The following ENTHD1 variants were observed in gnomAD, a reference collection of about 807,000 sequenced individuals.
The protein encoded by ENTHD1 is ENTH domain containing 1, also known as ENTH domain-containing protein 1.
A neutral mutation model predicts 39.1 loss-of-function variants in ENTHD1; 23 were observed. That is an observed-to-expected ratio of 0.59 (90% CI 0.42 to 0.83). The LOEUF (loss-of-function observed/expected upper bound fraction) is 0.83. Among genes scored for constraint, ENTHD1 ranks in the 40% least tolerant of loss-of-function variants. ENTHD1 has a pLI of 0.00. For missense variants in ENTHD1, 624 were observed against 705.4 expected (o/e 0.88, Z 1.31); for synonymous variants, 230 against 258.2 (o/e 0.89, Z 1.05).
At chr22:39,864,604 C>T (rs1223559636) in intron 2 of ENTHD1, among the ~76,000 whole-genome samples, 3 of 152,202 alleles carry the variant, frequency 2.0e-5, no homozygotes, top group Non-Finnish European at 4.4e-5. Context: ...TCTTCAGTGT[C>T]TGCAAGAGTG....
intron 2 of ENTHD1, among the ~76,000 whole-genome samples, chr22:39,881,898 C>T (rs1218478005): frequency 1.3e-5 from 2 of 152,100 alleles, no homozygotes; most frequent in Non-Finnish European, 1.5e-5. Context: ...AGTGTAAAGA[C>T]CAAATAAGAG....
chr22:39,834,702 A>G (rs1569160251), intron 4 of ENTHD1, among the ~76,000 whole-genome samples: 1 of 152,232 alleles, frequency 6.6e-6, no homozygotes, highest in Non-Finnish European at 1.5e-5. Context: ...TATTCATCAT[A>G]GCTAAAGAAG....
intron 2 of ENTHD1, among the ~76,000 whole-genome samples, chr22:39,883,003 CAAAAAAAAAAAA>C (rs58964198): frequency 2.1e-5 from 1 of 48,288 alleles, no homozygotes; most frequent in South Asian, 9.7e-4. Context: ...GACTTCATCT[CAAAAAAAAAAAA>C]AAAAAAAAAG....
chr22:39,887,338 T>A (rs961060133), intron 2 of ENTHD1, 62 bp downstream of exon 2: 8 of 1,420,340 alleles, frequency 5.6e-6, no homozygotes, highest in Non-Finnish European at 7.7e-6. Context: ...CAGCCTCCCA[T>A]GCACCAGGAT....
At chr22:39,821,273 G>C (rs561435749) in intron 4 of ENTHD1, among the ~76,000 whole-genome samples, 160 bp from the exon 5 acceptor site, 2 of 152,164 alleles carry the variant, frequency 1.3e-5, no homozygotes, top group South Asian at 2.1e-4. Context: ...CTGTCTACTG[G>C]GTGTAGGGAG....
At chr22:39,877,599 A>C (rs908025204) in intron 2 of ENTHD1, among the ~76,000 whole-genome samples, 8 of 152,320 alleles carry the variant, frequency 5.3e-5, no homozygotes, top group African/African-American at 1.4e-4. Flanking sequence ...GGAAGTCTTC[A>C]GGGCCTCCCT....
chr22:39,881,587 T>C (rs529398069), intron 2 of ENTHD1, among the ~76,000 whole-genome samples: 3 of 152,320 alleles, frequency 2.0e-5, no homozygotes, highest in Non-Finnish European at 4.4e-5. Flanking sequence ...AGATGGGGCA[T>C]AGACAAAGCG....
intron 2 of ENTHD1, among the ~76,000 whole-genome samples, chr22:39,879,920 T>C (rs761740937): frequency 5.3e-5 from 8 of 152,220 alleles, no homozygotes; most frequent in Non-Finnish European, 1.0e-4. Context: ...AACAATGGGC[T>C]ACTATTAAGT....
intron 5 of ENTHD1, among the ~76,000 whole-genome samples, chr22:39,811,627 C>T (rs926953270): frequency 1.3e-5 from 2 of 152,198 alleles, no homozygotes; most frequent in African/African-American, 4.8e-5. Context: ...ATGGGTGTTA[C>T]CTGATCCATA....
At chr22:39,882,103 T>G (rs567331905) in intron 2 of ENTHD1, among the ~76,000 whole-genome samples, 1 of 152,346 alleles carries the variant, frequency 6.6e-6, no homozygotes, top group African/African-American at 2.4e-5. Flanking sequence ...CAGTTTTTCT[T>G]TCTTGTTTTT....
chr22:39,865,365 G>T (rs1043853425), intron 2 of ENTHD1, among the ~76,000 whole-genome samples: 4 of 151,982 alleles, frequency 2.6e-5, no homozygotes, highest in Non-Finnish European at 4.4e-5. Flanking sequence ...TATCATCCTA[G>T]AGAAGGTACT....
At chr22:39,816,165 C>T (rs536521488) in intron 5 of ENTHD1, among the ~76,000 whole-genome samples, 4 of 152,232 alleles carry the variant, frequency 2.6e-5, no homozygotes, top group African/African-American at 7.2e-5. Context: ...CACAATAACT[C>T]TCCTACTTTA....
chr22:39,787,747 T>C (rs1307640845), intron 5 of ENTHD1, among the ~76,000 whole-genome samples: 1 of 152,168 alleles, frequency 6.6e-6, no homozygotes, highest in East Asian at 1.9e-4. Context: ...TCATGAGGTT[T>C]AAGGAAAGAA....
chr22:39,878,099 CAG>C (rs990362202), intron 2 of ENTHD1, among the ~76,000 whole-genome samples: 1 of 152,020 alleles, frequency 6.6e-6, no homozygotes, highest in African/African-American at 2.4e-5. Flanking sequence ...AAGCATGAGA[CAG>C]AAATTCTAAG....
chr22:39,835,633 A>G (rs900232502), intron 4 of ENTHD1, among the ~76,000 whole-genome samples: 2 of 152,178 alleles, frequency 1.3e-5, no homozygotes, highest in African/African-American at 4.8e-5. Context: ...TGAAGCTGCA[A>G]AAGACAAATT....
intron 2 of ENTHD1, among the ~76,000 whole-genome samples, chr22:39,873,679 C>A (rs1448921906): frequency 6.6e-6 from 1 of 152,122 alleles, no homozygotes; most frequent in East Asian, 1.9e-4. Flanking sequence ...CAAGATCATG[C>A]ATATGGAAAT....
chr22:39,767,666 T>C (rs2065287665), intron 5 of ENTHD1, among the ~76,000 whole-genome samples: 1 of 152,248 alleles, frequency 6.6e-6, no homozygotes, highest in Non-Finnish European at 1.5e-5. Context: ...TGTTTTGCTC[T>C]ATATGTAATA....
At chr22:39,817,698 ATATT>A (rs1353598583) in intron 5 of ENTHD1, among the ~76,000 whole-genome samples, 18 of 151,914 alleles carry the variant, frequency 1.2e-4, no homozygotes, top group Admixed American at 1.3e-4. Context: ...TTTAAAATAA[ATATT>A]TATTAAATAA....
intron 5 of ENTHD1, among the ~76,000 whole-genome samples, chr22:39,801,448 A>G (rs1182516946): frequency 6.6e-6 from 1 of 152,256 alleles, no homozygotes; most frequent in Non-Finnish European, 1.5e-5. Context: ...GTTGTACAAT[A>G]GTGCTATCAT....
Sources: allele counts gnomAD v4.1 joint callset (sites outside exome capture counted in the v4.1 genomes callset), GRCh38; gene constraint gnomAD v4.1.1; transcripts MANE v1.5; gene names NCBI Gene and HGNC (gene_info 2026-07-23, HGNC 2026-07-21).